ZNF700: variants seen among roughly 807,000 people sequenced by gnomAD.
ZNF700 encodes the protein zinc finger protein 700.
Under a neutral mutation model 65.3 loss-of-function variants are expected in ZNF700, and 38 were observed. The ratio of observed to expected loss-of-function variants is 0.58; its 90% CI spans 0.45 to 0.76. The LOEUF (loss-of-function observed/expected upper bound fraction) is 0.76. ZNF700 is among the 30% of genes least tolerant of loss of function. The pLI, the probability that ZNF700 is intolerant of heterozygous loss-of-function variation, is 0.00. For missense variants in ZNF700, 857 were observed against 888.4 expected, an observed-to-expected ratio of 0.96 and a Z score of 0.45; for synonymous variants, 285 against 290.4, an observed-to-expected ratio of 0.98 and a Z score of 0.19.
intron 1 of ZNF700, chr19:11,946,925 C>T (rs1020875610): frequency 9.9e-5 from 58 of 586,108 alleles, no homozygotes; most frequent in South Asian, 2.0e-4. Flanking sequence ...GCTTGAACCC[C>T]GGTGGTGAGC....
chr19:11,944,789 C>T (rs114959625), intron 1 of ZNF700, among the ~76,000 whole-genome samples: 425 of 152,340 alleles, frequency 2.8e-3, no homozygotes, highest in African/African-American at 9.7e-3. Context: ...GCAGGTAATA[C>T]ATCGCTGTGC....
At chr19:11,926,083 A>G (rs1972623212) in intron 1 of ZNF700, among the ~76,000 whole-genome samples, 1 of 152,102 alleles carries the variant, frequency 6.6e-6, no homozygotes, top group South Asian at 2.1e-4. Flanking sequence ...GGAGGTAGGA[A>G]GGAAGGGGGT....
At chr19:11,942,381 C>T (rs279253) in intron 1 of ZNF700, among the ~76,000 whole-genome samples, 8,501 of 151,886 alleles carry the variant, frequency 0.056, 800 homozygotes, top group African/African-American at 0.19. Context: ...CATAGGACTC[C>T]GTTATGACAG....
rs767672241 is a variant in ZNF700 at position 11,925,276 on chromosome 19, G to C, written c.63+3G>C. 1 of 1,612,030 alleles carries C rather than the reference G, an allele frequency of 6.2e-7. No individual in the cohort carries two copies. The highest frequency in any genetic ancestry group is 1.1e-5 in the South Asian group (1 of 91,064). On this transcript the variant is annotated splice_donor_region_variant and intron_variant, in intron 1 of 3. Coordinates refer to ENST00000254321, the MANE Select transcript of ZNF700 (RefSeq NM_144566.3). ...GTACATCTGAAAGCCGGGAAATGGT[G>C]CGTGTGCGGGACCAGATGTCGTGAG...
At position 11,949,984 on chromosome 19, in the gene ZNF700, G is replaced by T; in HGVS notation, c.1960G>T (p.Glu654Ter). 1 of 1,614,058 alleles carries T rather than the reference G, an allele frequency of 6.2e-7. No individual in the cohort carries two copies. Among genetic ancestry groups the T allele is most frequent in the South Asian group, 1.1e-5 (1 of 91,070 alleles). The change falls in exon 4 of 4, where the codon GAA (glutamate) becomes TAA (stop). Residue 654 changes from glutamate to a stop codon, truncating the protein, a stop_gained. Coordinates refer to ENST00000254321, the MANE Select transcript of ZNF700 (RefSeq NM_144566.3). LOFTEE classifies it high-confidence loss of function. ...GEKPYECKEC[E>*]KAFCKFSSFQ... The stretch of plus-strand genomic sequence containing the variant: ...GAAACCCTATGAATGTAAGGAATGC[G>T]AAAAAGCATTCTGTAAATTCTCTTC...
intron 1 of ZNF700, among the ~76,000 whole-genome samples, chr19:11,931,105 G>A (rs186845703): frequency 6.7e-6 from 1 of 148,152 alleles, no homozygotes; most frequent in Admixed American, 6.6e-5. Context: ...AATTAGTATA[G>A]AGTACAAAGC....
Position 11,925,254 on chromosome 19 carries a change from C to A in ZNF700, c.44C>A (p.Thr15Lys), listed in dbSNP as rs763565780. Residue 15 changes from threonine (T) to lysine (K), a missense_variant, in exon 1 of 4, where the codon ACA becomes AAA. This residue lies in a region of ZNF700 where 603 missense variants were observed against 619.9 expected (regional missense o/e 0.97). Coordinates refer to ENST00000254321, the MANE Select transcript of ZNF700 (RefSeq NM_144566.3). Reference sequence around the variant, plus strand: ...AGGAGCTGTAGAGAGGACCCCGGTACATCTGAAAGCCGGGAAATGGTGCGT... The same window carrying A: ...AGGAGCTGTAGAGAGGACCCCGGTAAATCTGAAAGCCGGGAAATGGTGCGT... ...SHRSCREDPG[T>K]SESREMDPVA... 2.5e-6 allele frequency: 4 copies of A among 1,612,894 alleles called. No individual in the cohort carries two copies. In the African/African-American group the frequency reaches 5.3e-5, roughly 22 times the overall value.
rs1396449376 is a variant in ZNF700, at chr19:11,948,367, C to T, written c.343C>T (p.Gln115Ter). Residue 115 changes from glutamine to a stop codon, truncating the protein, a stop_gained, in exon 4 of 4, where the codon CAG (glutamine) becomes TAG (stop). Coordinates refer to ENST00000254321, the MANE Select transcript of ZNF700 (RefSeq NM_144566.3). LOFTEE classifies it high-confidence loss of function. ...TQVPDDRLNF[Q>*]EKKASPEVKS... ...GGTTCCAGATGACAGACTGAACTTC[C>T]AGGAGAAGAAAGCTTCTCCTGAAGT... 2 of 1,613,786 alleles carry T rather than the reference C, an allele frequency of 1.2e-6. No individual in the cohort carries two copies. Among genetic ancestry groups the T allele is most frequent in the African/African-American group, 1.3e-5 (1 of 74,882 alleles).
At chr19:11,926,406 A>G (rs1972628355) in intron 1 of ZNF700, among the ~76,000 whole-genome samples, 1 of 151,888 alleles carries the variant, frequency 6.6e-6, no homozygotes, top group Non-Finnish European at 1.5e-5. Context: ...CTTTGTTTTT[A>G]TTTGAGACGG....
chr19:11,949,628 C>T lies in ZNF700; in HGVS notation c.1604C>T (p.Pro535Leu). Residue 535 changes from proline to leucine, a missense_variant, in exon 4 of 4, where the codon CCC becomes CTC. Physicochemically the swap from Pro to Leu is moderately conservative, Grantham distance 98. Transcript: ENST00000254321. ...THEKTHTGEK[P>L]YECNQCGKAF... ...GAAAAAACTCACACTGGAGAGAAAC[C>T]CTATGAATGCAACCAATGTGGTAAA... is the stretch of plus-strand genomic sequence containing the variant. 7 of 1,613,794 alleles carry T rather than the reference C, an allele frequency of 4.3e-6. No homozygotes were observed. The highest frequency in any genetic ancestry group is 5.9e-6 in the Non-Finnish European group (7 of 1,179,936).
chr19:11,948,129 C>T, intron 3 of ZNF700, 147 bp from the exon 4 acceptor site: 1 of 900,630 alleles, frequency 1.1e-6, no homozygotes. Flanking sequence ...TCTTGTAGAA[C>T]ATGTCCAGTC....
At chr19:11,933,767 C>T (rs2145279075) in intron 1 of ZNF700, among the ~76,000 whole-genome samples, 1 of 145,988 alleles carries the variant, frequency 6.8e-6, no homozygotes, top group East Asian at 1.9e-4. Flanking sequence ...ATGGTGTGAA[C>T]CCAGGAGGCG....
At chr19:11,934,341 CTTA>C (rs1433618418) in intron 1 of ZNF700, among the ~76,000 whole-genome samples, 1 of 147,644 alleles carries the variant, frequency 6.8e-6, no homozygotes, top group Non-Finnish European at 1.5e-5. Flanking sequence ...TAGGACCATG[CTTA>C]TTTTCTTCAG....
chr19:11,936,598 G>A (rs1429764149), intron 1 of ZNF700, among the ~76,000 whole-genome samples: 1 of 152,032 alleles, frequency 6.6e-6, no homozygotes, highest in Non-Finnish European at 1.5e-5. Context: ...GTCGTTTGTT[G>A]GATGGGTAGA....
At position 11,949,275 on chromosome 19, in the gene ZNF700, C is replaced by T; in HGVS notation, c.1251C>T (p.Pro417=). The change falls in exon 4 of 4, where the codon CCC becomes CCT. Residue 417 remains proline, a synonymous_variant. Coordinates refer to ENST00000254321, the MANE Select transcript of ZNF700 (RefSeq NM_144566.3). ...AAAGGATTCACACTGGAGAGAAACC[C>T]TATGAGTGTAAGCAGTGTGGGAAAG... ...YHERIHTGEK[P]YECKQCGKAF... 1 of 1,614,106 alleles carries T rather than the reference C, an allele frequency of 6.2e-7. No homozygotes were observed. The highest frequency in any genetic ancestry group is 8.5e-7 in the Non-Finnish European group (1 of 1,180,016).
At chr19:11,936,471 C>A (rs1330312962) in intron 1 of ZNF700, among the ~76,000 whole-genome samples, 1 of 152,184 alleles carries the variant, frequency 6.6e-6, no homozygotes. Context: ...TGTCTGTTGG[C>A]TGCATAAATG....
chr19:11,931,281 C>A (rs1205500113), intron 1 of ZNF700, among the ~76,000 whole-genome samples: 1 of 147,850 alleles, frequency 6.8e-6, no homozygotes, highest in Non-Finnish European at 1.5e-5. Context: ...CCAGCAAGGG[C>A]CCGCTTCCTG....
chr19:11,931,420 C>T (rs933814755), intron 1 of ZNF700, among the ~76,000 whole-genome samples: 2 of 148,096 alleles, frequency 1.4e-5, no homozygotes, highest in Non-Finnish European at 2.9e-5. Flanking sequence ...TCATCTAATC[C>T]TAATTACTTC....
intron 1 of ZNF700, 153 bp from the exon 2 acceptor site, chr19:11,947,028 G>C (rs1972970367): frequency 1.6e-6 from 2 of 1,276,118 alleles, no homozygotes; most frequent in African/African-American, 3.1e-5. Context: ...ATGGAAGAAA[G>C]TAAGTATAGA....
Sources: gnomAD v4.1 joint callset for allele counts (sites outside exome capture counted in the v4.1 genomes callset) on GRCh38, gnomAD v4.1.1 for gene constraint, gnomAD v4.1.1 regional missense constraint, MANE v1.5 for transcripts, NCBI Gene and HGNC (gene_info 2026-07-23, HGNC 2026-07-21) for gene names.